Variants in TRHDE observed in about 807,000 individuals in gnomAD.
TRHDE encodes the protein thyrotropin-releasing hormone-degrading ectoenzyme.
A neutral mutation model predicts 125.7 loss-of-function variants in TRHDE; 72 were observed. The ratio of observed to expected loss-of-function variants is 0.57; its 90% CI spans 0.47 to 0.70. TRHDE has a LOEUF of 0.70. Ranked by LOEUF, TRHDE falls within the 30% of genes least tolerant of loss-of-function variation. The pLI is 0.00. For missense variants in TRHDE, 1,110 were observed against 1,327.1 expected, an observed-to-expected ratio of 0.84 and a Z score of 2.54; for synonymous variants, 509 against 509.1, an observed-to-expected ratio of 1.00 and a Z score of 0.00.
In TRHDE at chr12:72,273,539, T is replaced by C. The variant is rs570791508; in HGVS notation, c.896T>C (p.Val299Ala). The change falls in exon 1 of 19, where the codon GTG becomes GCG. Residue 299 changes from valine (V) to alanine (A), a missense_variant. Physicochemically the swap from Val to Ala is moderately conservative, Grantham distance 64 (BLOSUM62 0). Around this residue, in one of 5 missense-constraint regions of TRHDE, gnomAD observed 252 missense variants for 274.8 expected, o/e 0.92. Coordinates refer to ENST00000261180, the MANE Select transcript of TRHDE (RefSeq NM_013381.3). The surrounding 1 kb of genome is among the most constrained non-coding windows in gnomAD (Gnocchi z 5.3). ...CTGGGCTTCTTCCGCAGCTCCTATG[T>C]GCTCCACGGGGAGAGAAGGTATGGA... ...ELLGFFRSSYVLHGERRFLGV... is the reference protein window; with the variant it reads ...ELLGFFRSSYALHGERRFLGV... The C allele has an allele frequency of 1.2e-6, 2 of 1,600,590 alleles. No individual in the cohort carries two copies. Among genetic ancestry groups the C allele is most frequent in the Admixed American group, 3.3e-5 (2 of 59,962 alleles).
At chr12:72,096,638 C>A (rs1224841922) in intron 1 of TRHDE, among the ~76,000 whole-genome samples, 1 of 152,232 alleles carries the variant, frequency 6.6e-6, no homozygotes, top group African/African-American at 2.4e-5. Context: ...CCCCAAGGTA[C>A]TCCCAGGTCC....
At chr12:72,660,994 A>T (rs1411025188) in intron 18 of TRHDE, among the ~76,000 whole-genome samples, 1 of 152,168 alleles carries the variant, frequency 6.6e-6, no homozygotes, top group Admixed American at 6.6e-5. Context: ...ATTATGGGGC[A>T]TAAGATCAAT....
chr12:72,110,231 A>C (rs1302666728), intron 2 of TRHDE, among the ~76,000 whole-genome samples: 1 of 152,046 alleles, frequency 6.6e-6, no homozygotes, highest in Non-Finnish European at 1.5e-5. Context: ...TTTTGTGTAA[A>C]ACTTGATTAC....
intron 2 of TRHDE, among the ~76,000 whole-genome samples, chr12:72,191,068 T>C (rs1175971380): frequency 2.6e-5 from 4 of 152,222 alleles, no homozygotes; most frequent in Admixed American, 2.6e-4. Context: ...TATACAACAT[T>C]GAGCCAGAAT....
chr12:72,430,473 A>G (rs1410729477), intron 3 of TRHDE, among the ~76,000 whole-genome samples: 1 of 149,302 alleles, frequency 6.7e-6, no homozygotes, highest in African/African-American at 2.5e-5. Flanking sequence ...ATATACACAC[A>G]TATATATATA....
At chr12:72,600,841 T>G (rs1426635128) in intron 12 of TRHDE, among the ~76,000 whole-genome samples, 1 of 152,042 alleles carries the variant, frequency 6.6e-6, no homozygotes, top group Non-Finnish European at 1.5e-5. Context: ...GAAAACCATT[T>G]CTTTCACAAT....
At chr12:72,111,097 A>G (rs1479153894) in intron 2 of TRHDE, among the ~76,000 whole-genome samples, 2 of 152,172 alleles carry the variant, frequency 1.3e-5, no homozygotes, top group Admixed American at 6.6e-5. Flanking sequence ...CCCTGTGAGG[A>G]ATCTGAGGCA....
intron 2 of TRHDE, among the ~76,000 whole-genome samples, chr12:72,289,337 G>A (rs531683948): frequency 6.6e-6 from 1 of 152,148 alleles, no homozygotes; most frequent in East Asian, 1.9e-4. Context: ...TGCTGATCAA[G>A]CTACCTACAT....
chr12:72,386,850 C>A (rs1233220603), intron 3 of TRHDE, among the ~76,000 whole-genome samples: 2 of 152,180 alleles, frequency 1.3e-5, no homozygotes, highest in Admixed American at 6.5e-5. Context: ...CACAGTTTTT[C>A]ATTTGTCTTT....
chr12:72,092,570 G>A (rs572111975), intron 1 of TRHDE, among the ~76,000 whole-genome samples: 3 of 152,270 alleles, frequency 2.0e-5, no homozygotes, highest in Non-Finnish European at 2.9e-5. Flanking sequence ...CATCCTTTCA[G>A]GCTGAAATCC....
At chr12:72,546,454 G>T (rs1441772115) in intron 7 of TRHDE, among the ~76,000 whole-genome samples, 1 of 151,460 alleles carries the variant, frequency 6.6e-6, no homozygotes, top group Non-Finnish European at 1.5e-5. Flanking sequence ...TTTTCCCAGT[G>T]CTTATTCTTC....
At chr12:72,147,352 G>T (rs1876253678) in intron 2 of TRHDE, among the ~76,000 whole-genome samples, 1 of 152,092 alleles carries the variant, frequency 6.6e-6, no homozygotes, top group African/African-American at 2.4e-5. Flanking sequence ...CCTCTCATTT[G>T]TGGACTGTCC....
At chr12:72,430,488 C>T (rs1874429877) in intron 3 of TRHDE, among the ~76,000 whole-genome samples, 1 of 149,650 alleles carries the variant, frequency 6.7e-6, no homozygotes, top group South Asian at 2.1e-4. Context: ...TATATACACA[C>T]ACACAACAGT....
rs1424382667 is a variant in TRHDE, at chr12:72,273,022, G to T, written c.379G>T (p.Gly127Cys). ...GCCAGGCGCCGACGGTGGCCCCTCAGGCTTTCCGGAGCGCGGCGGCAACGG... is the reference window on the plus strand; with the variant it reads ...GCCAGGCGCCGACGGTGGCCCCTCATGCTTTCCGGAGCGCGGCGGCAACGG... ...ATPGADGGPS[G>C]FPERGGNGSL... The change falls in exon 1 of 19, where the codon GGC becomes TGC. Residue 127 changes from glycine to cysteine, a missense_variant. Gly to Cys is a radical substitution (Grantham distance 159, BLOSUM62 -3). This residue lies in a region of TRHDE where 248 missense variants were observed against 240.8 expected (regional missense o/e 1.03). Coordinates refer to ENST00000261180, the MANE Select transcript of TRHDE (RefSeq NM_013381.3). The surrounding 1 kb of genome is among the most constrained non-coding windows in gnomAD (Gnocchi z 5.3). 7 of 1,540,066 alleles carry T rather than the reference G, an allele frequency of 4.5e-6. No individual in the cohort carries two copies. The highest frequency in any genetic ancestry group is 6.1e-6 in the Non-Finnish European group (7 of 1,148,304).
At chr12:72,656,869 G>A (rs940996325) in intron 17 of TRHDE, 58 bp from the exon 18 acceptor site, 7 of 1,164,304 alleles carry the variant, frequency 6.0e-6, no homozygotes, top group Non-Finnish European at 8.9e-6. Context: ...AATCTTTATA[G>A]TAATATTTTT....
At chr12:72,222,118 C>G (rs1010149528) in intron 2 of TRHDE, among the ~76,000 whole-genome samples, 11 of 151,998 alleles carry the variant, frequency 7.2e-5, no homozygotes, top group African/African-American at 2.4e-4. Flanking sequence ...TGTGACTGAG[C>G]TATGGAAGTC....
chr12:72,272,213 G>T (rs865909921), upstream of TRHDE: 21 of 424,430 alleles, frequency 4.9e-5, no homozygotes, highest in African/African-American at 4.0e-4. This position sits in a 1 kb window ranked among gnomAD's most constrained non-coding sequence, Gnocchi z 6.7. Flanking sequence ...CTACACCCTC[G>T]CTCTTCCCAC....
At chr12:72,147,634 G>A (rs971813298) in intron 2 of TRHDE, 1 of 152,106 alleles carries the variant, frequency 6.6e-6, no homozygotes, top group South Asian at 2.1e-4. Context: ...AACTCGAAAA[G>A]CCATTAAAAA....
intron 2 of TRHDE, among the ~76,000 whole-genome samples, chr12:72,129,257 G>C (rs1202906982): frequency 6.6e-6 from 1 of 152,182 alleles, no homozygotes; most frequent in Non-Finnish European, 1.5e-5. Flanking sequence ...TAAGTGGAAT[G>C]CTCAAAGAAT....
Sources: allele counts gnomAD v4.1 joint callset (sites outside exome capture counted in the v4.1 genomes callset), GRCh38; gene constraint gnomAD v4.1.1; regional missense constraint gnomAD v4.1.1; non-coding constraint Gnocchi (gnomAD v3.1); transcripts MANE v1.5; gene names NCBI Gene and HGNC (gene_info 2026-07-23, HGNC 2026-07-21).